The following PDE11A variants were observed in gnomAD, a reference collection of about 807,000 sequenced individuals.
PDE11A encodes dual 3',5'-cyclic-AMP and -GMP phosphodiesterase 11A.
Under a neutral mutation model 100.5 loss-of-function variants are expected in PDE11A, and 100 were observed. The ratio of observed to expected loss-of-function variants is 1.00; its 90% CI spans 0.85 to 1.18. The LOEUF (loss-of-function observed/expected upper bound fraction) is 1.18. PDE11A is among the 50% of genes most tolerant of loss of function. The pLI is 0.00. For synonymous variants in PDE11A, 381 were observed against 420.8 expected (o/e 0.91, Z 1.16); for missense variants, 1,141 against 1,152.6 (o/e 0.99, Z 0.15).
chr2:177,778,669 G>A (rs759206095), intron 9 of PDE11A, among the ~76,000 whole-genome samples: 7 of 152,170 alleles, frequency 4.6e-5, no homozygotes, highest in Non-Finnish European at 8.8e-5. Context: ...GGAATGAAAA[G>A]CCAATTTACT....
chr2:177,947,399 A>C (rs180838017), intron 2 of PDE11A, among the ~76,000 whole-genome samples: 2,028 of 151,846 alleles, frequency 0.013, 43 homozygotes, highest in African/African-American at 0.042. Context: ...GACATGGGAG[A>C]CTTTTCATTT....
intron 1 of PDE11A, among the ~76,000 whole-genome samples, chr2:178,044,818 G>A (rs886700544): frequency 2.0e-5 from 3 of 152,148 alleles, no homozygotes; most frequent in Non-Finnish European, 4.4e-5. Flanking sequence ...AGAAACATTA[G>A]AAACTCTCCA....
chr2:177,898,887 T>C lies in PDE11A; in HGVS notation c.1162-689A>G, dbSNP rs1574262412. ...GAAACCCTATTAAATTTCTTTACTT[T>C]GTGCCTGTAGAAGCAGGAGCTTAAC... is the stretch of plus-strand genomic sequence containing the variant. On this transcript the variant is annotated intron_variant, in intron 3 of 19. Coordinates refer to ENST00000286063, the MANE Select transcript of PDE11A (RefSeq NM_016953.4). Among the ~76,000 whole-genome samples the C allele has an allele frequency of 3.9e-5, 6 of 152,356 alleles. No homozygotes were observed. The South Asian group carries it at 1.2e-3, about 32-fold the overall frequency.
intron 2 of PDE11A, among the ~76,000 whole-genome samples, chr2:177,910,424 C>CTA (rs1178066498): frequency 2.3e-5 from 2 of 86,498 alleles, no homozygotes; most frequent in East Asian, 5.6e-4. Flanking sequence ...CTCTCTCTCT[C>CTA]TCTCTATATA....
chr2:177,943,835 C>A (rs2085372840), intron 2 of PDE11A, among the ~76,000 whole-genome samples: 1 of 152,106 alleles, frequency 6.6e-6, no homozygotes, highest in Admixed American at 6.5e-5. Flanking sequence ...CCCTATGATT[C>A]CTACTAGGTT....
At chr2:177,949,971 T>C (rs13405457) in intron 2 of PDE11A, among the ~76,000 whole-genome samples, 9,546 of 152,126 alleles carry the variant, frequency 0.063, 311 homozygotes, top group South Asian at 0.094. Flanking sequence ...GCAGGAAAAA[T>C]AAAGATAATG....
chr2:177,832,518 T>A (rs896150188), intron 6 of PDE11A, among the ~76,000 whole-genome samples: 3 of 152,084 alleles, frequency 2.0e-5, no homozygotes, highest in African/African-American at 7.2e-5. Context: ...TAGGACCTTG[T>A]GATCATATGA....
intron 2 of PDE11A, among the ~76,000 whole-genome samples, chr2:178,085,927 G>A (rs1415813779): frequency 1.3e-5 from 2 of 152,196 alleles, no homozygotes; most frequent in African/African-American, 4.8e-5. Context: ...TTCGGAGACA[G>A]TTGTGCTATC....
intron 19 of PDE11A, among the ~76,000 whole-genome samples, chr2:177,650,161 G>C (rs1000019834): frequency 5.9e-5 from 9 of 152,134 alleles, no homozygotes; most frequent in Admixed American, 1.3e-4. Context: ...TTGCTCCTCA[G>C]CATTTCCTCT....
chr2:178,104,410 C>T, exon 2 of PDE11A: 1 of 1,614,022 alleles, frequency 6.2e-7, no homozygotes, highest in Non-Finnish European at 8.5e-7. Flanking sequence ...CCTTTTTCCA[C>T]TGTGTGGCAC....
upstream of PDE11A, among the ~76,000 whole-genome samples, chr2:178,075,551 CAA>C (rs397756518): frequency 6.3e-5 from 3 of 47,850 alleles, no homozygotes; most frequent in Admixed American, 2.3e-4. Flanking sequence ...GACTCTGTCT[CAA>C]AAAAAAAAAA....
intron 1 of PDE11A, among the ~76,000 whole-genome samples, chr2:178,061,787 T>C (rs1454639488): frequency 2.6e-5 from 4 of 152,244 alleles, no homozygotes; most frequent in African/African-American, 9.6e-5. Context: ...AATATTGCTA[T>C]ATTGCTACCT....
chr2:178,073,910 T>G (rs950297702), upstream of PDE11A, among the ~76,000 whole-genome samples: 2 of 139,630 alleles, frequency 1.4e-5, no homozygotes, highest in African/African-American at 5.3e-5. Flanking sequence ...TGTGTCAGGG[T>G]TTTTTTTTTT....
chr2:178,087,284 C>A (rs1574391760), intron 2 of PDE11A, among the ~76,000 whole-genome samples: 1 of 150,288 alleles, frequency 6.7e-6, no homozygotes, highest in African/African-American at 2.5e-5. Context: ...ACCTGGGAGG[C>A]AGAGGTTGCA....
At chr2:178,087,309 C>T (rs1331033494) in intron 2 of PDE11A, among the ~76,000 whole-genome samples, 3 of 150,760 alleles carry the variant, frequency 2.0e-5, no homozygotes, top group African/African-American at 4.9e-5. Flanking sequence ...GCCAAGATCG[C>T]GCCATTACAC....
intron 5 of PDE11A, among the ~76,000 whole-genome samples, chr2:177,855,154 C>T (rs190279106): frequency 5.7e-4 from 87 of 152,080 alleles, no homozygotes; most frequent in African/African-American, 2.0e-3. Context: ...GAAAGAAGAT[C>T]CATGCAGAAG....
intron 19 of PDE11A, among the ~76,000 whole-genome samples, chr2:177,642,921 T>C (rs2080164969): frequency 6.6e-6 from 1 of 152,228 alleles, no homozygotes; most frequent in Non-Finnish European, 1.5e-5. Flanking sequence ...GTTTTCAAAA[T>C]GGGAGTTTCC....
chr2:178,094,814 C>A (rs1466031320), intron 2 of PDE11A, among the ~76,000 whole-genome samples: 1 of 152,160 alleles, frequency 6.6e-6, no homozygotes, highest in Non-Finnish European at 1.5e-5. Flanking sequence ...AGGAAGCAAG[C>A]ACCTTCTTCA....
At chr2:177,905,759 G>C (rs1034824915) in intron 2 of PDE11A, among the ~76,000 whole-genome samples, 2 of 152,170 alleles carry the variant, frequency 1.3e-5, no homozygotes, top group African/African-American at 4.8e-5. Context: ...AGCCTTCTGC[G>C]ACAGAGTTCT....
Sources: gnomAD v4.1 joint callset for allele counts (sites outside exome capture counted in the v4.1 genomes callset) on GRCh38, gnomAD v4.1.1 for gene constraint, MANE v1.5 for transcripts, NCBI Gene and HGNC (gene_info 2026-07-23, HGNC 2026-07-21) for gene names.